The following PTPRO variants were observed in gnomAD, a reference collection of about 807,000 sequenced individuals.
PTPRO encodes receptor-type tyrosine-protein phosphatase O.
PTPRO carries 62 observed loss-of-function variants against 145.2 expected under a neutral mutation model. The ratio of observed to expected loss-of-function variants is 0.43; its 90% CI spans 0.35 to 0.53. The LOEUF (loss-of-function observed/expected upper bound fraction) is 0.53. Ranked by LOEUF, PTPRO falls within the 20% of genes least tolerant of loss-of-function variation. PTPRO has a pLI of 0.01. For missense variants in PTPRO, 1,345 were observed against 1,482.7 expected (o/e 0.91, Z 1.53); for synonymous variants, 565 against 514.7 (o/e 1.10, Z -1.32).
At chr12:15,571,834 C>A (rs1944058612) in intron 19 of PTPRO, among the ~76,000 whole-genome samples, 1 of 152,132 alleles carries the variant, frequency 6.6e-6, no homozygotes, top group African/African-American at 2.4e-5. Flanking sequence ...CTAAGAAGGG[C>A]ATTATCTCCC....
intron 7 of PTPRO, 27 bp from the exon 8 acceptor site, chr12:15,515,470 TA>T (rs746948260): frequency 5.6e-6 from 9 of 1,612,848 alleles, no homozygotes; most frequent in Non-Finnish European, 7.6e-6. Flanking sequence ...CAGCTCTAAA[TA>T]AATCTTATTG....
At chr12:15,579,660 T>A (rs975554451) in intron 20 of PTPRO, among the ~76,000 whole-genome samples, 11 of 152,174 alleles carry the variant, frequency 7.2e-5, no homozygotes, top group Non-Finnish European at 1.5e-5. Context: ...GTTCTCTAGG[T>A]CTCCTTAAAG....
intron 1 of PTPRO, among the ~76,000 whole-genome samples, chr12:15,371,615 T>C (rs1938533435): frequency 6.6e-6 from 1 of 152,138 alleles, no homozygotes; most frequent in African/African-American, 2.4e-5. Context: ...ATATTGTATG[T>C]GTGTGTGTGT....
intron 1 of PTPRO, among the ~76,000 whole-genome samples, chr12:15,413,010 C>G (rs1373645435): frequency 6.6e-6 from 1 of 152,106 alleles, no homozygotes; most frequent in Non-Finnish European, 1.5e-5. Context: ...CCAGGCTGGT[C>G]TCGACCTCCT....
intron 1 of PTPRO, among the ~76,000 whole-genome samples, chr12:15,421,664 G>C (rs1341177821): frequency 1.3e-5 from 2 of 152,160 alleles, no homozygotes; most frequent in African/African-American, 4.8e-5. Context: ...AATGGTATCA[G>C]ATTGTTTATT....
chr12:15,376,014 C>T (rs1034268356), intron 1 of PTPRO, among the ~76,000 whole-genome samples: 1 of 152,006 alleles, frequency 6.6e-6, no homozygotes, highest in African/African-American at 2.4e-5. Flanking sequence ...TGTGGGACAC[C>T]ATCAAGCATA....
At chr12:15,414,196 C>T (rs1040511232) in intron 1 of PTPRO, among the ~76,000 whole-genome samples, 6 of 152,180 alleles carry the variant, frequency 3.9e-5, no homozygotes, top group East Asian at 1.9e-4. Flanking sequence ...CTCCTGTTTG[C>T]GTTAGAGGAG....
chr12:15,434,950 C>T (rs1181042568), intron 1 of PTPRO, among the ~76,000 whole-genome samples: 1 of 152,182 alleles, frequency 6.6e-6, no homozygotes, highest in Non-Finnish European at 1.5e-5. Flanking sequence ...ATAATAGGTG[C>T]TTTTGCAAAG....
intron 1 of PTPRO, among the ~76,000 whole-genome samples, chr12:15,378,739 G>T (rs1472287745): frequency 6.6e-6 from 1 of 151,918 alleles, no homozygotes; most frequent in Non-Finnish European, 1.5e-5. Flanking sequence ...ACCAAATAAA[G>T]ATACTACAAG....
At chr12:15,562,585 G>A (rs912978800) in intron 17 of PTPRO, among the ~76,000 whole-genome samples, 1 of 152,128 alleles carries the variant, frequency 6.6e-6, no homozygotes, top group Admixed American at 6.6e-5. Flanking sequence ...TCTTCCTGGG[G>A]TGGTAGCAGA....
chr12:15,524,772 T>C, intron 10 of PTPRO, 42 bp from the exon 11 acceptor site: 1 of 1,575,724 alleles, frequency 6.3e-7, no homozygotes, highest in Non-Finnish European at 8.7e-7. Context: ...ACTTTATTTA[T>C]CCATCTATTA....
chr12:15,324,746 T>C (rs1253492081), intron 1 of PTPRO, among the ~76,000 whole-genome samples: 1 of 152,190 alleles, frequency 6.6e-6, no homozygotes. Context: ...ACCTTCTATG[T>C]GCTGGTTTTT....
At chr12:15,486,932 T>C (rs1366459536) in intron 2 of PTPRO, among the ~76,000 whole-genome samples, 1 of 152,086 alleles carries the variant, frequency 6.6e-6, no homozygotes, top group African/African-American at 2.4e-5. Context: ...ATCTAGTCAA[T>C]AGTTGAGCTG....
intron 24 of PTPRO, among the ~76,000 whole-genome samples, chr12:15,588,875 T>A (rs1311630309): frequency 6.6e-6 from 1 of 152,118 alleles, no homozygotes; most frequent in African/African-American, 2.4e-5. Flanking sequence ...GAGACCCCGA[T>A]AAAGGGTGTG....
chr12:15,582,491 G>A (rs1418253875), intron 23 of PTPRO, among the ~76,000 whole-genome samples: 2 of 152,188 alleles, frequency 1.3e-5, no homozygotes, highest in Non-Finnish European at 2.9e-5. Flanking sequence ...TGGTTGGTCT[G>A]GAGAGGCTGA....
At chr12:15,352,902 C>A (rs1937857536) in intron 1 of PTPRO, among the ~76,000 whole-genome samples, 1 of 152,100 alleles carries the variant, frequency 6.6e-6, no homozygotes, top group Non-Finnish European at 1.5e-5. Flanking sequence ...ACATTCCCAT[C>A]AATTACCCAG....
chr12:15,547,589 A>G (rs932765244), intron 13 of PTPRO, among the ~76,000 whole-genome samples: 1 of 152,148 alleles, frequency 6.6e-6, no homozygotes, highest in African/African-American at 2.4e-5. Flanking sequence ...TCTCCTTTTG[A>G]GATTCCCTTC....
chr12:15,364,024 T>G (rs1462866291), intron 1 of PTPRO, among the ~76,000 whole-genome samples: 1 of 152,210 alleles, frequency 6.6e-6, no homozygotes, highest in African/African-American at 2.4e-5. Context: ...TCCATTTAAC[T>G]TATGTCACAT....
intron 23 of PTPRO, among the ~76,000 whole-genome samples, chr12:15,585,042 G>C (rs1465620637): frequency 6.6e-6 from 1 of 152,180 alleles, no homozygotes; most frequent in Non-Finnish European, 1.5e-5. Context: ...TCAGCTCACA[G>C]GGCTGACCCC....
Sources: allele counts gnomAD v4.1 joint callset (sites outside exome capture counted in the v4.1 genomes callset), GRCh38; gene constraint gnomAD v4.1.1; transcripts MANE v1.5; gene names NCBI Gene and HGNC (gene_info 2026-07-23, HGNC 2026-07-21).